Variants in FOXP1 observed in about 807,000 individuals in gnomAD.
FOXP1 encodes the protein forkhead box P1.
Under a neutral mutation model 98.2 loss-of-function variants are expected in FOXP1, and 15 were observed. The ratio of observed to expected loss-of-function variants is 0.15; its 90% CI spans 0.10 to 0.24. The LOEUF is 0.24. Ranked by LOEUF, FOXP1 falls within the 10% of genes least tolerant of loss-of-function variation. The pLI, the probability that FOXP1 is intolerant of heterozygous loss-of-function variation, is 1.00. For missense variants in FOXP1, 633 were observed against 848.5 expected (o/e 0.75, Z 3.15); for synonymous variants, 371 against 314.5 (o/e 1.18, Z -1.90).
intron 2 of FOXP1, among the ~76,000 whole-genome samples, chr3:71,514,778 C>T (rs2042442639): frequency 6.6e-6 from 1 of 152,220 alleles, no homozygotes; most frequent in Non-Finnish European, 1.5e-5. Flanking sequence ...AGGTGAGCAG[C>T]TCAATGCTCT....
intron 11 of FOXP1, among the ~76,000 whole-genome samples, chr3:71,037,755 T>A (rs2047792825): frequency 6.6e-6 from 1 of 152,204 alleles, no homozygotes; most frequent in Non-Finnish European, 1.5e-5. Context: ...ATGCTGAATG[T>A]CCATGATTAC....
intron 5 of FOXP1, chr3:71,288,430 G>A (rs59608381): frequency 0.23 from 35,484 of 152,030 alleles, 4,465 homozygotes; most frequent in Middle Eastern, 0.31. Context: ...AATCTGAAAG[G>A]CAGATGAACC....
intron 3 of FOXP1, among the ~76,000 whole-genome samples, chr3:71,431,561 A>C (rs73837167): frequency 0.063 from 9,555 of 152,220 alleles, 976 homozygotes; most frequent in African/African-American, 0.22. Flanking sequence ...GTCGCGAACC[A>C]AGTAAGTGGC....
rs138403413 is a variant in FOXP1, at chr3:71,340,953, A to AC, written c.-73+18196dup. On this transcript the variant is annotated intron_variant, in intron 4 of 20. Coordinates refer to ENST00000649528, the MANE Select transcript of FOXP1 (RefSeq NM_001349338.3). ...GAGAAAATCTTCACCTAAAAACAGAACCCCAAAATATATGAAGCAAAACTG... is the reference window on the plus strand; with the variant it reads ...GAGAAAATCTTCACCTAAAAACAGAACCCCCAAAATATATGAAGCAAAACTG... Among the ~76,000 whole-genome samples the AC allele has an allele frequency of 6.8e-3, 1,030 of 152,248 alleles. 12 individuals carry two copies. The highest frequency in any genetic ancestry group is 0.024 in the African/African-American group (995 of 41,530).
Position 71,130,870 on chromosome 3 carries a change from C to T in FOXP1, c.181-18233G>A, listed in dbSNP as rs1314563460. On this transcript the variant is annotated intron_variant, in intron 6 of 20. Coordinates refer to ENST00000649528, the MANE Select transcript of FOXP1 (RefSeq NM_001349338.3). ...CTTAAAGAAATCTATTAATGCCACA[C>T]ATATCTAAACCGCTCCAGGTCTGCA... 1.2e-5 allele frequency: 17 copies of T among 1,411,232 alleles called. No homozygotes were observed. In the African/African-American group the frequency reaches 2.3e-4, roughly 19 times the overall value. The allele number at this position is 1,411,232 out of a possible 1,614,324, so 87.4% of individuals were successfully genotyped here. A position where few individuals can be genotyped will look rare whatever the true frequency, so the allele number is the denominator to read the frequency against.
chr3:71,462,073 G>A (rs2088191558), intron 3 of FOXP1, among the ~76,000 whole-genome samples: 1 of 152,124 alleles, frequency 6.6e-6, no homozygotes, highest in Non-Finnish European at 1.5e-5. Context: ...GCCTTAAATA[G>A]TTCACTAGTA....
intron 5 of FOXP1, among the ~76,000 whole-genome samples, chr3:71,277,767 AT>A (rs2071068318): frequency 8.7e-6 from 1 of 114,590 alleles, no homozygotes; most frequent in Admixed American, 8.5e-5. Context: ...TCATAGAGGT[AT>A]TTTCCCTAGT....
rs11320170 is a variant in FOXP1 at position 71,373,324 on chromosome 3, C to CA, written c.-167-14081dup. Among the ~76,000 whole-genome samples the CA allele has an allele frequency of 4.1e-3, 621 of 150,780 alleles. 3 individuals are homozygous for CA. The highest frequency in any genetic ancestry group is 9.7e-3 in the African/African-American group (400 of 41,096). ...ATATGCTCCAAAATGTTCGCCTTTA[C>CA]AAAAAAAAAACATGTTAAAGTAGAA... is the stretch of plus-strand genomic sequence containing the variant. On this transcript the variant is annotated intron_variant, in intron 3 of 20. Transcript: ENST00000649528.
chr3:71,335,941 C>T (rs557269454), intron 4 of FOXP1, among the ~76,000 whole-genome samples: 1 of 128,888 alleles, frequency 7.8e-6, no homozygotes, highest in Non-Finnish European at 1.6e-5. Flanking sequence ...GAGGCGGAGG[C>T]GGAGGTTGCA....
At chr3:71,163,695 G>A (rs1385177771) in intron 6 of FOXP1, among the ~76,000 whole-genome samples, 1 of 152,102 alleles carries the variant, frequency 6.6e-6, no homozygotes, top group Non-Finnish European at 1.5e-5. Context: ...CTTATATTCT[G>A]TTTAGTTCAT....
chr3:71,063,982 T>C (rs1220251383), intron 7 of FOXP1, among the ~76,000 whole-genome samples: 1 of 152,182 alleles, frequency 6.6e-6, no homozygotes, highest in East Asian at 1.9e-4. Flanking sequence ...CCGTCCTTCA[T>C]GCAGTTCTGA....
At chr3:71,247,491 T>C (rs1242892162) in intron 5 of FOXP1, among the ~76,000 whole-genome samples, 3 of 152,160 alleles carry the variant, frequency 2.0e-5, no homozygotes, top group African/African-American at 4.8e-5. Flanking sequence ...CGGGGTATCA[T>C]GACTGCAGGG....
chr3:71,519,496 T>C (rs1041575695), intron 2 of FOXP1, among the ~76,000 whole-genome samples: 1 of 152,138 alleles, frequency 6.6e-6, no homozygotes, highest in Admixed American at 6.5e-5. Context: ...GATAAGTATA[T>C]TAGGATTCTC....
chr3:71,119,849 T>C (rs902781780), intron 6 of FOXP1, among the ~76,000 whole-genome samples: 1 of 152,240 alleles, frequency 6.6e-6, no homozygotes, highest in Admixed American at 6.5e-5. Context: ...CTGGAAGTAT[T>C]CATACAGAGT....
chr3:71,463,354 CAAAAAAAAAAA>C (rs60302484), intron 3 of FOXP1, among the ~76,000 whole-genome samples: 3 of 65,368 alleles, frequency 4.6e-5, no homozygotes, highest in South Asian at 6.0e-4. Context: ...GACACTGTCT[CAAAAAAAAAAA>C]AAAAAAAAAA....
intron 3 of FOXP1, among the ~76,000 whole-genome samples, chr3:71,465,324 A>AAGAAGAAGAAG (rs1553891927): frequency 1.5e-5 from 1 of 67,658 alleles, no homozygotes; most frequent in Non-Finnish European, 3.7e-5. Flanking sequence ...AAAAAAAAAA[A>AAGAAGAAGAAG]AAGAAGAAGA....
chr3:71,406,902 T>C (rs2082384503), intron 3 of FOXP1, among the ~76,000 whole-genome samples: 1 of 151,990 alleles, frequency 6.6e-6, no homozygotes, highest in Non-Finnish European at 1.5e-5. Flanking sequence ...CCCTGCAACT[T>C]AGGTACCAAG....
At chr3:70,987,864 A>T in intron 14 of FOXP1, 130 bp downstream of exon 14, 1 of 774,648 alleles carries the variant, frequency 1.3e-6, no homozygotes, top group Non-Finnish European at 2.3e-6. Flanking sequence ...CAGTCGCATG[A>T]ATCTAAGGCC....
At chr3:71,226,599 A>C (rs2065857799) in intron 5 of FOXP1, among the ~76,000 whole-genome samples, 21 of 137,422 alleles carry the variant, frequency 1.5e-4, no homozygotes, top group East Asian at 4.2e-4. Flanking sequence ...CTCCCTCCCT[A>C]CCCCCTTCTG....
Sources: allele counts gnomAD v4.1 joint callset (sites outside exome capture counted in the v4.1 genomes callset), GRCh38; gene constraint gnomAD v4.1.1; transcripts MANE v1.5; gene names NCBI Gene and HGNC (gene_info 2026-07-23, HGNC 2026-07-21).